Variants in GRID2 observed in about 807,000 individuals in gnomAD.
The protein encoded by GRID2 is glutamate ionotropic receptor delta type subunit 2, also known as glutamate receptor ionotropic, delta-2.
GRID2 carries 33 observed loss-of-function variants against 114.8 expected under a neutral mutation model. The ratio of observed to expected loss-of-function variants is 0.29; its 90% CI spans 0.22 to 0.38. The LOEUF (loss-of-function observed/expected upper bound fraction) is 0.38, where lower values mean the gene tolerates loss of function less well. Among genes scored for constraint, GRID2 ranks in the 10% least tolerant of loss-of-function variants. The pLI, the probability that GRID2 is intolerant of heterozygous loss-of-function variation, is 1.00. For missense variants in GRID2, 1,184 were observed against 1,257.7 expected, an observed-to-expected ratio of 0.94 and a Z score of 0.89; for synonymous variants, 505 against 449.9, an observed-to-expected ratio of 1.12 and a Z score of -1.55.
intron 2 of GRID2, among the ~76,000 whole-genome samples, chr4:93,035,808 A>G (rs564335879): frequency 1.3e-5 from 2 of 152,272 alleles, no homozygotes; most frequent in African/African-American, 4.8e-5. Flanking sequence ...CAGAGCCTGA[A>G]ATGTAAGCAT....
intron 2 of GRID2, among the ~76,000 whole-genome samples, chr4:92,685,849 G>T (rs937479457): frequency 2.6e-5 from 4 of 152,040 alleles, no homozygotes; most frequent in East Asian, 3.9e-4. Flanking sequence ...TTTTGAAAAT[G>T]CTAATCTATT....
At chr4:93,655,081 A>G (rs1447830351) in intron 14 of GRID2, among the ~76,000 whole-genome samples, 2 of 152,186 alleles carry the variant, frequency 1.3e-5, no homozygotes, top group African/African-American at 2.4e-5. Flanking sequence ...TCAGAACTGA[A>G]CACCATATAA....
At chr4:93,351,366 C>G (rs539330290) in intron 8 of GRID2, among the ~76,000 whole-genome samples, 1 of 152,152 alleles carries the variant, frequency 6.6e-6, no homozygotes, top group South Asian at 2.1e-4. Context: ...ATCTGATCCA[C>G]AGCTTTGCAG....
intron 8 of GRID2, among the ~76,000 whole-genome samples, chr4:93,266,270 G>A (rs1189257384): frequency 2.6e-5 from 4 of 152,014 alleles, no homozygotes; most frequent in African/African-American, 7.3e-5. Flanking sequence ...AATTTTATTC[G>A]AGGACCTACT....
intron 8 of GRID2, among the ~76,000 whole-genome samples, chr4:93,279,448 C>T (rs1213967087): frequency 1.3e-5 from 2 of 151,648 alleles, no homozygotes; most frequent in Non-Finnish European, 2.9e-5. Context: ...TCATCCTAAG[C>T]AATTTGAGGG....
intron 2 of GRID2, among the ~76,000 whole-genome samples, chr4:92,960,118 T>G (rs1302520313): frequency 6.6e-6 from 1 of 152,098 alleles, no homozygotes; most frequent in African/African-American, 2.4e-5. Flanking sequence ...TTTATTGTGG[T>G]CTGAGAACAA....
intron 8 of GRID2, among the ~76,000 whole-genome samples, chr4:93,344,501 A>G (rs1450227874): frequency 6.6e-6 from 1 of 151,680 alleles, no homozygotes; most frequent in African/African-American, 2.4e-5. Context: ...GTTTTGATAT[A>G]TGTACCTATT....
At chr4:92,391,270 T>C (rs1730225514) in intron 1 of GRID2, among the ~76,000 whole-genome samples, 1 of 152,142 alleles carries the variant, frequency 6.6e-6, no homozygotes, top group Admixed American at 6.6e-5. Context: ...GTAGTTAAAC[T>C]TCCAAGGCTC....
chr4:92,343,875 T>A (rs1048617732), intron 1 of GRID2, among the ~76,000 whole-genome samples: 17 of 152,198 alleles, frequency 1.1e-4, no homozygotes, highest in Admixed American at 9.2e-4. Context: ...CTCCCAGCTA[T>A]ATATGTATTA....
At chr4:92,668,912 G>A (rs1732916440) in intron 2 of GRID2, among the ~76,000 whole-genome samples, 1 of 151,834 alleles carries the variant, frequency 6.6e-6, no homozygotes, top group Non-Finnish European at 1.5e-5. Context: ...GACCAAAAGA[G>A]GAATATATTG....
chr4:92,760,085 C>A (rs1340658990), intron 2 of GRID2, among the ~76,000 whole-genome samples: 1 of 150,790 alleles, frequency 6.6e-6, no homozygotes, highest in African/African-American at 2.4e-5. Context: ...ACTAAAAACA[C>A]AAAAATTAGC....
chr4:93,012,550 G>A (rs1722286457), intron 2 of GRID2, among the ~76,000 whole-genome samples: 1 of 152,022 alleles, frequency 6.6e-6, no homozygotes, highest in African/African-American at 2.4e-5. Flanking sequence ...GATGGATGAT[G>A]TGTATCATCC....
At chr4:93,791,861 A>G (rs1734701606) in intron 1 of GRID2, among the ~76,000 whole-genome samples, 1 of 152,216 alleles carries the variant, frequency 6.6e-6, no homozygotes, top group East Asian at 1.9e-4. Context: ...ATTGTGTGAA[A>G]AGTCTCAGCC....
At chr4:93,788,316 C>CA (rs78420940) in intron 1 of GRID2, among the ~76,000 whole-genome samples, 25,852 of 143,216 alleles carry the variant, frequency 0.18, 2,479 homozygotes, top group East Asian at 0.43. Flanking sequence ...AGACTCCGCT[C>CA]AAAAAAAAAA....
chr4:92,650,773 T>C (rs1181260019), intron 2 of GRID2, among the ~76,000 whole-genome samples: 1 of 151,908 alleles, frequency 6.6e-6, no homozygotes, highest in Non-Finnish European at 1.5e-5. Flanking sequence ...GTGGTACCAC[T>C]CCCATTTCTT....
intron 5 of GRID2, 26 bp from the exon 6 acceptor site, chr4:93,216,712 T>G (rs994473671): frequency 6.6e-7 from 1 of 1,518,512 alleles, no homozygotes; most frequent in African/African-American, 1.4e-5. Flanking sequence ...AAAGTATCTC[T>G]AATTCTTCCA....
At chr4:93,634,889 A>C (rs991430165) in intron 14 of GRID2, among the ~76,000 whole-genome samples, 1 of 152,162 alleles carries the variant, frequency 6.6e-6, no homozygotes. Context: ...ATGCAGATTT[A>C]AATGGCAACA....
chr4:92,830,189 A>C (rs903693952), intron 2 of GRID2, among the ~76,000 whole-genome samples: 1 of 152,088 alleles, frequency 6.6e-6, no homozygotes. Flanking sequence ...TATAATTCTC[A>C]AAACAGTGTC....
intron 8 of GRID2, among the ~76,000 whole-genome samples, chr4:93,291,798 A>T (rs1753787385): frequency 6.6e-6 from 1 of 151,880 alleles, no homozygotes; most frequent in Admixed American, 6.6e-5. Flanking sequence ...TTTTTAATTG[A>T]CAAAAATTGT....
Sources: allele counts gnomAD v4.1 joint callset (sites outside exome capture counted in the v4.1 genomes callset), GRCh38; gene constraint gnomAD v4.1.1; transcripts MANE v1.5; gene names NCBI Gene and HGNC (gene_info 2026-07-23, HGNC 2026-07-21).